Variants in FRMD4B observed in about 807,000 individuals in gnomAD.
FRMD4B encodes the protein FERM domain-containing protein 4B.
FRMD4B carries 74 observed loss-of-function variants against 141.5 expected under a neutral mutation model. That is an observed-to-expected ratio of 0.52 (90% CI 0.43 to 0.63). The LOEUF (loss-of-function observed/expected upper bound fraction) is 0.63. Among genes scored for constraint, FRMD4B ranks in the 30% least tolerant of loss-of-function variants. The probability of loss-of-function intolerance (pLI) is 0.00; values close to 1 mark genes in which losing one functional copy is unlikely to be tolerated. For missense variants in FRMD4B, 1,366 were observed against 1,253.4 expected, an observed-to-expected ratio of 1.09 and a Z score of -1.36; for synonymous variants, 506 against 467.9, an observed-to-expected ratio of 1.08 and a Z score of -1.05.
intron 1 of FRMD4B, among the ~76,000 whole-genome samples, chr3:69,366,107 A>G (rs892041103): frequency 7.0e-6 from 1 of 143,160 alleles, no homozygotes; most frequent in Non-Finnish European, 1.5e-5. Context: ...ACACACACAC[A>G]AAATTAGCTG....
At chr3:69,442,126 T>A (rs1320166625) in intron 1 of FRMD4B, among the ~76,000 whole-genome samples, 2 of 151,308 alleles carry the variant, frequency 1.3e-5, no homozygotes, top group East Asian at 2.0e-4. Flanking sequence ...GGGGTCTCAC[T>A]CTGTCACTCA....
At chr3:69,417,601 T>C (rs1704891032) in intron 2 of FRMD4B, among the ~76,000 whole-genome samples, 1 of 152,246 alleles carries the variant, frequency 6.6e-6, no homozygotes, top group East Asian at 1.9e-4. Flanking sequence ...TTTGGTGTTT[T>C]AGTCACGAAG....
chr3:69,523,125 A>T (rs1700877994), intron 1 of FRMD4B, among the ~76,000 whole-genome samples: 1 of 151,978 alleles, frequency 6.6e-6, no homozygotes, highest in African/African-American at 2.4e-5. Flanking sequence ...CAAGTGAAAA[A>T]AAAAAAAACA....
intron 5 of FRMD4B, among the ~76,000 whole-genome samples, chr3:69,280,230 G>A (rs1254626473): frequency 2.6e-5 from 4 of 152,128 alleles, no homozygotes; most frequent in African/African-American, 9.7e-5. Flanking sequence ...GGCACAGGTG[G>A]TTGTTTTGTG....
intron 11 of FRMD4B, among the ~76,000 whole-genome samples, chr3:69,209,515 T>G (rs2093055895): frequency 6.6e-6 from 1 of 151,994 alleles, no homozygotes. Context: ...CAGACAAGAG[T>G]TATCTCAATT....
intron 1 of FRMD4B, among the ~76,000 whole-genome samples, chr3:69,477,623 T>C (rs1011708458): frequency 6.6e-6 from 1 of 152,110 alleles, no homozygotes; most frequent in Non-Finnish European, 1.5e-5. Context: ...TTATTGAGGA[T>C]TTTTGCATCA....
rs1327585393 is a variant in FRMD4B at position 69,513,174 on chromosome 3, G to A, written c.-129+29032C>T. Among the ~76,000 whole-genome samples the A allele has an allele frequency of 2.0e-5, 3 of 151,532 alleles. No homozygotes were observed. In the East Asian group the frequency reaches 5.8e-4, roughly 29 times the overall value. On this transcript the variant is annotated intron_variant, in intron 1 of 5. Transcript: ENST00000459638. ...TTTGATAAGTTCTTAGATGAACTAAGAAAAAAAGAGAACACTCAAAAAACT... is the reference window on the plus strand; with the variant it reads ...TTTGATAAGTTCTTAGATGAACTAAAAAAAAAAGAGAACACTCAAAAAACT...
At chr3:69,440,862 G>A (rs1027216068) in intron 1 of FRMD4B, among the ~76,000 whole-genome samples, 1 of 152,126 alleles carries the variant, frequency 6.6e-6, no homozygotes, top group Admixed American at 6.6e-5. Flanking sequence ...GAATGCTGGG[G>A]ATTTTGCTTA....
In FRMD4B at chr3:69,229,029, T is replaced by TG. The variant is rs1475908733; in HGVS notation, c.582-4340_582-4339insC. Among the ~76,000 whole-genome samples, 489 of 147,002 alleles carry TG rather than the reference T, an allele frequency of 3.3e-3. 5 individuals are homozygous for TG. Among genetic ancestry groups the TG allele is most frequent in the African/African-American group, 9.6e-3 (376 of 39,282 alleles). On this transcript the variant is annotated intron_variant, in intron 7 of 22. Coordinates refer to ENST00000398540, the MANE Select transcript of FRMD4B (RefSeq NM_015123.3). ...CTCAAAATCATGTTTTTTTTTTTTT[T>TG]TTTGTTTTGTTTTTGAGGCTGGGTC...
chr3:69,272,030 T>G (rs2093596812), intron 5 of FRMD4B, among the ~76,000 whole-genome samples: 1 of 152,134 alleles, frequency 6.6e-6, no homozygotes, highest in Non-Finnish European at 1.5e-5. Flanking sequence ...TTCTTCTTCT[T>G]TGTGGACTGG....
chr3:69,332,817 G>A (rs1004523671), intron 1 of FRMD4B, among the ~76,000 whole-genome samples: 6 of 146,002 alleles, frequency 4.1e-5, no homozygotes, highest in Non-Finnish European at 8.9e-5. Context: ...CAAACTCCTG[G>A]GCTCCAACAA....
intron 11 of FRMD4B, among the ~76,000 whole-genome samples, chr3:69,215,409 C>G (rs2093131240): frequency 6.7e-6 from 1 of 149,492 alleles, no homozygotes; most frequent in East Asian, 2.0e-4. Flanking sequence ...GCTCGTGCCT[C>G]AGCCTCCCGA....
intron 3 of FRMD4B, among the ~76,000 whole-genome samples, chr3:69,303,151 G>T (rs72934855): frequency 0.057 from 8,722 of 152,152 alleles, 825 homozygotes; most frequent in African/African-American, 0.2. Context: ...ATACAATGCA[G>T]CCATAAAATA....
chr3:69,411,396 G>C (rs1430094537), intron 2 of FRMD4B, among the ~76,000 whole-genome samples: 1 of 152,090 alleles, frequency 6.6e-6, no homozygotes, highest in Non-Finnish European at 1.5e-5. Context: ...TCTGAAGCAA[G>C]GTACACCTGG....
At chr3:69,425,900 C>A (rs772809199) in intron 2 of FRMD4B, among the ~76,000 whole-genome samples, 10 of 152,172 alleles carry the variant, frequency 6.6e-5, no homozygotes, top group Admixed American at 1.3e-4. Flanking sequence ...CTATATTACC[C>A]TCTTATTCTT....
intron 1 of FRMD4B, among the ~76,000 whole-genome samples, chr3:69,524,072 G>T (rs959703459): frequency 6.6e-6 from 1 of 152,134 alleles, no homozygotes; most frequent in African/African-American, 2.4e-5. Context: ...TACCATAGAT[G>T]ACCCCCCACC....
At chr3:69,384,487 GA>G (rs1330446145) in intron 1 of FRMD4B, among the ~76,000 whole-genome samples, 11 of 151,638 alleles carry the variant, frequency 7.3e-5, no homozygotes, top group Non-Finnish European at 1.5e-4. Flanking sequence ...CCCAAGAGAG[GA>G]AAAAAAAGGC....
chr3:69,417,717 A>T (rs1198426298), intron 2 of FRMD4B, among the ~76,000 whole-genome samples: 1 of 152,244 alleles, frequency 6.6e-6, no homozygotes, highest in Non-Finnish European at 1.5e-5. Flanking sequence ...CTACCGTGAC[A>T]AATTACCATA....
chr3:69,269,634 A>G (rs939289235), intron 5 of FRMD4B, among the ~76,000 whole-genome samples: 1 of 152,148 alleles, frequency 6.6e-6, no homozygotes, highest in African/African-American at 2.4e-5. Context: ...ACCAAGAGTA[A>G]ACTGTATTCT....
Sources: allele counts gnomAD v4.1 joint callset (sites outside exome capture counted in the v4.1 genomes callset), GRCh38; gene constraint gnomAD v4.1.1; transcripts MANE v1.5; gene names NCBI Gene and HGNC (gene_info 2026-07-23, HGNC 2026-07-21).